FBN1: variants seen among roughly 807,000 people sequenced by gnomAD.
FBN1 encodes the protein fibrillin-1.
A neutral mutation model predicts 365.1 loss-of-function variants in FBN1; 29 were observed. The ratio of observed to expected loss-of-function variants is 0.08; its 90% CI spans 0.06 to 0.11. The LOEUF is 0.11. Among genes scored for constraint, FBN1 ranks in the 10% least tolerant of loss-of-function variants. The pLI is 1.00. For missense variants in FBN1, 2,476 were observed against 3,703.2 expected, an observed-to-expected ratio of 0.67 and a Z score of 8.60; for synonymous variants, 1,210 against 1,270.5, an observed-to-expected ratio of 0.95 and a Z score of 1.01.
intron 2 of FBN1, among the ~76,000 whole-genome samples, chr15:48,621,269 T>A (rs894138813): frequency 1.3e-5 from 2 of 152,100 alleles, no homozygotes; most frequent in African/African-American, 4.8e-5. Flanking sequence ...GAGTACAGTA[T>A]AAAGGGAGGG....
chr15:48,538,522 A>G (rs936045696), intron 6 of FBN1, among the ~76,000 whole-genome samples: 4 of 152,192 alleles, frequency 2.6e-5, no homozygotes, highest in Non-Finnish European at 5.9e-5. Context: ...AAACAGGGAT[A>G]AGCTAAGTCC....
chr15:48,620,258 G>A (rs1315537488), intron 2 of FBN1, among the ~76,000 whole-genome samples: 1 of 152,176 alleles, frequency 6.6e-6, no homozygotes, highest in Non-Finnish European at 1.5e-5. Flanking sequence ...AGATGACGAT[G>A]TATGTAATGT....
At chr15:48,455,130 G>GT (rs2043229295) in intron 44 of FBN1, among the ~76,000 whole-genome samples, 1 of 152,212 alleles carries the variant, frequency 6.6e-6, no homozygotes, top group South Asian at 2.1e-4. Context: ...TAAGAGCTAA[G>GT]AGTATGCTAG....
At chr15:48,479,986 AT>A (rs1007708334) in intron 32 of FBN1, among the ~76,000 whole-genome samples, 1 of 152,166 alleles carries the variant, frequency 6.6e-6, no homozygotes, top group Non-Finnish European at 1.5e-5. Context: ...AATAGCTTTT[AT>A]TTATTGACCA....
intron 9 of FBN1, among the ~76,000 whole-genome samples, 189 bp downstream of exon 9, chr15:48,525,941 C>G (rs947189528): frequency 5.3e-5 from 8 of 152,170 alleles, no homozygotes; most frequent in Non-Finnish European, 1.5e-5. Flanking sequence ...GGAGGCAAAA[C>G]GTCTCCAAAA....
At position 48,495,212 on chromosome 15, in the gene FBN1, T is replaced by G. The variant is rs753713022; in HGVS notation, c.2588A>C (p.Glu863Ala). 13 of 1,614,162 alleles carry G rather than the reference T, an allele frequency of 8.1e-6. No individual in the cohort carries two copies. Among genetic ancestry groups the G allele is most frequent in the East Asian group, 2.2e-5 (1 of 44,880 alleles). The part of the protein sequence containing the change: ...CWQTVIDGRC[E>A]ININGATLKS... The stretch of plus-strand genomic sequence containing the variant: ...TAAGGTGGCTCCATTGATGTTGATC[T>G]CACATCGCCCATCAATGACAGTCTG... The change falls in exon 22 of 66, where the codon GAG (glutamate) becomes GCG (alanine). Residue 863 changes from glutamate to alanine, a missense_variant. Glu to Ala is a moderately radical substitution (Grantham distance 107). Around this residue, in one of 5 missense-constraint regions of FBN1, gnomAD observed 1,780 missense variants for 2,840.8 expected, o/e 0.63. Transcript: ENST00000316623.
At chr15:48,534,020 A>C in intron 8 of FBN1, 60 bp downstream of exon 8, 1 of 1,607,706 alleles carries the variant, frequency 6.2e-7, no homozygotes, top group Non-Finnish European at 8.5e-7. Flanking sequence ...GCTTGTTTCT[A>C]ATGTTGAGTT....
In FBN1 at chr15:48,408,931, T is replaced by C. The variant is rs1200552683; in HGVS notation, c.*2059A>G. 2 of 152,288 alleles carry C rather than the reference T, an allele frequency of 1.3e-5. No homozygotes were observed. The highest frequency in any genetic ancestry group is 2.1e-4 in the South Asian group (1 of 4,832). 9.4% of individuals were successfully genotyped at this position (152,288 alleles called of 1,614,324 possible). A position where few individuals can be genotyped will look rare whatever the true frequency, so the allele number is the denominator to read the frequency against. ...CATATGCAAACTGTTGTTTACCATATGCTATATATTCTTCGATAACAATTT... is the reference window on the plus strand; with the variant it reads ...CATATGCAAACTGTTGTTTACCATACGCTATATATTCTTCGATAACAATTT... On this transcript the variant is annotated 3_prime_UTR_variant, in exon 66 of 66. Transcript: ENST00000316623.
At chr15:48,619,286 AT>A (rs779857636) in intron 2 of FBN1, among the ~76,000 whole-genome samples, 3 of 151,460 alleles carry the variant, frequency 2.0e-5, no homozygotes, top group Non-Finnish European at 4.4e-5. Flanking sequence ...GCAGTTTGGG[AT>A]TTTTTTTTAT....
rs2043969348 is a variant in FBN1 at position 48,531,119 on chromosome 15, CAAATCACAGCTAT to C, written c.862+2948_862+2960del. ...GGGCATGAACTCTTTCCTTTTTTCT[CAAATCACAGCTAT>C]AAATCTCAATCTTTTCCTTCTTAAA... On this transcript the variant is annotated intron_variant, in intron 8 of 65. Coordinates refer to ENST00000316623, the MANE Select transcript of FBN1 (RefSeq NM_000138.5). Among the ~76,000 whole-genome samples the C allele has an allele frequency of 3.3e-5, 5 of 152,120 alleles. No individual in the cohort carries two copies. In the South Asian group the frequency reaches 1.0e-3, roughly 32 times the overall value.
chr15:48,474,705 T>C, intron 32 of FBN1, 55 bp from the exon 33 acceptor site: 1 of 1,612,518 alleles, frequency 6.2e-7, no homozygotes, highest in East Asian at 2.2e-5. Flanking sequence ...TCTTTTGGTT[T>C]TTAAAATAAG....
At chr15:48,518,443 G>C (rs2043823044) in intron 10 of FBN1, among the ~76,000 whole-genome samples, 1 of 152,196 alleles carries the variant, frequency 6.6e-6, no homozygotes, top group South Asian at 2.1e-4. Context: ...TTGCTTCCAA[G>C]CATTTGTAGG....
rs150502522 is a variant in FBN1 at position 48,577,836 on chromosome 15, C to T, written c.538+18447G>A. Among the ~76,000 whole-genome samples the T allele has an allele frequency of 8.3e-4, 127 of 152,196 alleles. 1 individual carries two copies. Among genetic ancestry groups the T allele is most frequent in the African/African-American group, 3.0e-3 (126 of 41,534 alleles). ...GGGCATGATCGTCCTTTTTGCAACG[C>T]CTTCCTACAAGGTCTCAGGTGCCAT... On this transcript the variant is annotated intron_variant, in intron 6 of 65. Coordinates refer to ENST00000316623, the MANE Select transcript of FBN1 (RefSeq NM_000138.5).
chr15:48,516,085 C>A, intron 11 of FBN1, 98 bp downstream of exon 11: 1 of 1,206,714 alleles, frequency 8.3e-7, no homozygotes, highest in Non-Finnish European at 1.2e-6. Flanking sequence ...TAACAATTTA[C>A]AAACTTATTT....
chr15:48,614,839 T>C (rs1889620233), intron 2 of FBN1, among the ~76,000 whole-genome samples: 1 of 152,186 alleles, frequency 6.6e-6, no homozygotes, highest in South Asian at 2.1e-4. Context: ...AATGCAGCAT[T>C]ATCATCCTGA....
chr15:48,532,213 G>A (rs1364819094), intron 8 of FBN1, among the ~76,000 whole-genome samples: 4 of 152,160 alleles, frequency 2.6e-5, no homozygotes, highest in Admixed American at 6.5e-5. Context: ...TTCTACTCAG[G>A]CTGGAAGCCA....
At chr15:48,578,433 T>A (rs1279467516) in intron 6 of FBN1, among the ~76,000 whole-genome samples, 1 of 152,184 alleles carries the variant, frequency 6.6e-6, no homozygotes, top group Non-Finnish European at 1.5e-5. Context: ...GTTCCACTCC[T>A]AGGCGTGTGC....
intron 15 of FBN1, among the ~76,000 whole-genome samples, chr15:48,507,117 C>T (rs895104176): frequency 3.3e-4 from 50 of 152,186 alleles, no homozygotes; most frequent in African/African-American, 7.2e-5. Context: ...AATGTTGGGA[C>T]GCTGTGGCCT....
chr15:48,627,350 T>A (rs939234945), intron 2 of FBN1, among the ~76,000 whole-genome samples: 3 of 152,198 alleles, frequency 2.0e-5, no homozygotes, highest in African/African-American at 7.2e-5. Flanking sequence ...AGAGAATGAG[T>A]ATTCTGTCCT....
Sources: gnomAD v4.1 joint callset for allele counts (sites outside exome capture counted in the v4.1 genomes callset) on GRCh38, gnomAD v4.1.1 for gene constraint, gnomAD v4.1.1 regional missense constraint, MANE v1.5 for transcripts, NCBI Gene and HGNC (gene_info 2026-07-23, HGNC 2026-07-21) for gene names.